The following ANGPTL1 variants were observed in gnomAD, a reference collection of about 807,000 sequenced individuals.
ANGPTL1 encodes the protein angiopoietin like 1.
Under a neutral mutation model 46.7 loss-of-function variants are expected in ANGPTL1, and 36 were observed. The observed-to-expected ratio is 0.77, with a 90% CI of 0.59 to 1.02. The LOEUF (loss-of-function observed/expected upper bound fraction) is 1.02, where lower values mean the gene tolerates loss of function less well. Ranked by LOEUF, ANGPTL1 falls within the 50% of genes least tolerant of loss-of-function variation. The pLI is 0.00. For synonymous variants in ANGPTL1, 221 were observed against 204.3 expected, an observed-to-expected ratio of 1.08 and a Z score of -0.69; for missense variants, 571 against 594.7, an observed-to-expected ratio of 0.96 and a Z score of 0.41.
intron 3 of ANGPTL1, among the ~76,000 whole-genome samples, chr1:178,854,757 C>T (rs1332960925): frequency 6.6e-6 from 1 of 152,114 alleles, no homozygotes; most frequent in African/African-American, 2.4e-5. Flanking sequence ...GTGTTGCATG[C>T]ATTTGCCCTC....
chr1:178,856,202 G>GAGATATATATATATAT (rs1428022812), intron 3 of ANGPTL1, among the ~76,000 whole-genome samples: 34 of 83,892 alleles, frequency 4.1e-4, no homozygotes, highest in Middle Eastern at 5.7e-3. Flanking sequence ...GAGAGAGAGA[G>GAGATATATATATATAT]ATATATATAT....
rs752868417 is a variant in ANGPTL1 at position 178,865,265 on chromosome 1, C to G, written c.512G>C (p.Arg171Thr). ...GTATTTCACCTCTAGTTCCCTGTAT[C>G]TTGTTGCCATCTTCAACATTTCTGT... Reference protein sequence around the residue: ...VTTEMLKMATRYRELEVKYAS... With the variant: ...VTTEMLKMATTYRELEVKYAS... The change falls in exon 3 of 6, where the codon AGA (arginine) becomes ACA (threonine). Residue 171 changes from arginine (R) to threonine (T), a missense_variant. Arg to Thr is a moderately conservative substitution (Grantham distance 71, BLOSUM62 -1). Transcript: ENST00000234816. 1 of 1,613,978 alleles carries G rather than the reference C, an allele frequency of 6.2e-7. No individual in the cohort carries two copies. The highest frequency in any genetic ancestry group is 8.5e-7 in the Non-Finnish European group (1 of 1,179,998).
chr1:178,861,100 T>A (rs1657976904), intron 3 of ANGPTL1, among the ~76,000 whole-genome samples: 1 of 152,208 alleles, frequency 6.6e-6, no homozygotes, highest in Admixed American at 6.5e-5. Context: ...GGCAGTGACT[T>A]ACCCAAGGTC....
intron 3 of ANGPTL1, among the ~76,000 whole-genome samples, chr1:178,859,534 G>T (rs1657820657): frequency 2.0e-5 from 3 of 147,822 alleles, no homozygotes; most frequent in Non-Finnish European, 3.0e-5. Flanking sequence ...CTCCCAAGTA[G>T]CTGGGATTAC....
rs1657052366 is a variant in ANGPTL1, at chr1:178,849,687, C to G, written c.*1442G>C. 6.6e-6 allele frequency: 1 copy of G among 152,132 alleles called. No individual in the cohort carries two copies. Among genetic ancestry groups the G allele is most frequent in the Non-Finnish European group, 1.5e-5 (1 of 68,018 alleles). 9.4% of individuals were successfully genotyped at this position (152,132 alleles called of 1,614,324 possible). On this transcript the variant is annotated 3_prime_UTR_variant, in exon 6 of 6. Coordinates refer to ENST00000234816, the MANE Select transcript of ANGPTL1 (RefSeq NM_004673.4). ...CAGTTTAAGATGACCACAGGTAAAA[C>G]AAAGAATAATACCACTATGAGGTTT...
intron 5 of ANGPTL1, among the ~76,000 whole-genome samples, chr1:178,851,989 G>A (rs896495255): frequency 6.6e-6 from 1 of 152,100 alleles, no homozygotes; most frequent in Non-Finnish European, 1.5e-5. Context: ...GGATGGTCTA[G>A]TTGTTTCTTT....
chr1:178,863,812 G>A (rs903228476), intron 3 of ANGPTL1, among the ~76,000 whole-genome samples: 29 of 152,178 alleles, frequency 1.9e-4, no homozygotes, highest in African/African-American at 7.0e-4. Context: ...AATGTAGAAG[G>A]CCAGGAAAGC....
In ANGPTL1 at chr1:178,871,063, G is replaced by C. The variant is rs904914684; in HGVS notation, c.-459C>G. 1 of 152,144 alleles carries C rather than the reference G, an allele frequency of 6.6e-6. No individual in the cohort carries two copies. Among genetic ancestry groups the C allele is most frequent in the East Asian group, 1.9e-4 (1 of 5,198 alleles). 9.4% of individuals were successfully genotyped at this position (152,144 alleles called of 1,614,324 possible). A position where few individuals can be genotyped will look rare whatever the true frequency, so the allele number is the denominator to read the frequency against. The stretch of plus-strand genomic sequence containing the variant: ...GCAGTAACCAGCTGCAGCTGACCCA[G>C]ATTGTATATACAGTACCCCTGAATA... On this transcript the variant is annotated 5_prime_UTR_variant, in exon 1 of 6. It adds an upstream start codon to the 5' untranslated region. Transcript: ENST00000234816.
At chr1:178,858,227 A>C (rs1040747138) in intron 3 of ANGPTL1, among the ~76,000 whole-genome samples, 1 of 152,146 alleles carries the variant, frequency 6.6e-6, no homozygotes, top group Non-Finnish European at 1.5e-5. Flanking sequence ...TCCAGTGTAT[A>C]TTGTTGATCC....
At chr1:178,853,074 C>T (rs942526191) in intron 4 of ANGPTL1, 121 bp from the exon 5 acceptor site, 4 of 1,450,378 alleles carry the variant, frequency 2.8e-6, no homozygotes, top group Admixed American at 5.1e-5. Flanking sequence ...GTAATGTGAG[C>T]TTCCATTTTA....
chr1:178,856,194 G>GAT (rs776840814), intron 3 of ANGPTL1, among the ~76,000 whole-genome samples: 132 of 99,132 alleles, frequency 1.3e-3, no homozygotes, highest in African/African-American at 5.0e-3. Flanking sequence ...CTTTTCCAGA[G>GAT]AGAGAGAGAT....
At chr1:178,859,624 AC>A (rs1431353142) in intron 3 of ANGPTL1, among the ~76,000 whole-genome samples, 1 of 150,740 alleles carries the variant, frequency 6.6e-6, no homozygotes, top group Non-Finnish European at 1.5e-5. Flanking sequence ...AAGGAAAGAC[AC>A]ATAAAGGGAA....
At chr1:178,862,589 TTTTTTTTA>T (rs762057028) in intron 3 of ANGPTL1, among the ~76,000 whole-genome samples, 4,345 of 129,478 alleles carry the variant, frequency 0.034, 71 homozygotes, top group African/African-American at 0.043. Flanking sequence ...AGGAGTTGCA[TTTTTTTTA>T]TTTATTTATT....
intron 3 of ANGPTL1, among the ~76,000 whole-genome samples, chr1:178,855,626 T>A (rs1472111212): frequency 6.6e-6 from 1 of 151,854 alleles, no homozygotes; most frequent in Non-Finnish European, 1.5e-5. Flanking sequence ...GCAATTTGAT[T>A]TTTTATAGTT....
chr1:178,859,828 C>CG (rs1387549946), intron 3 of ANGPTL1, among the ~76,000 whole-genome samples: 2 of 84,320 alleles, frequency 2.4e-5, no homozygotes, highest in East Asian at 3.8e-4. Flanking sequence ...CCGCCCCCCC[C>CG]CCCCCAACCG....
chr1:178,860,042 T>A (rs1657890514), intron 3 of ANGPTL1, among the ~76,000 whole-genome samples: 1 of 152,116 alleles, frequency 6.6e-6, no homozygotes, highest in Non-Finnish European at 1.5e-5. Context: ...AAGAGGCAAC[T>A]GGACCCCAGA....
At chr1:178,857,248 T>A (rs1261948973) in intron 3 of ANGPTL1, among the ~76,000 whole-genome samples, 2 of 152,234 alleles carry the variant, frequency 1.3e-5, no homozygotes, top group Non-Finnish European at 2.9e-5. Flanking sequence ...TCTTTCAGTA[T>A]GTATCCACAG....
chr1:178,866,915 AC>A (rs1324309345), intron 2 of ANGPTL1, among the ~76,000 whole-genome samples: 4 of 152,136 alleles, frequency 2.6e-5, no homozygotes, highest in Admixed American at 2.6e-4. Flanking sequence ...CTCTCTAGTT[AC>A]CTCCCACAAG....
intron 3 of ANGPTL1, among the ~76,000 whole-genome samples, chr1:178,862,240 G>A (rs139244274): frequency 6.6e-6 from 1 of 151,952 alleles, no homozygotes; most frequent in Non-Finnish European, 1.5e-5. Flanking sequence ...CTGTAACTTA[G>A]AACAGTATAA....
Sources: gnomAD v4.1 joint callset for allele counts (sites outside exome capture counted in the v4.1 genomes callset) on GRCh38, gnomAD v4.1.1 for gene constraint, MANE v1.5 for transcripts, NCBI Gene and HGNC (gene_info 2026-07-23, HGNC 2026-07-21) for gene names.